STARD8: variants seen among roughly 807,000 people sequenced by gnomAD.
STARD8 encodes the protein StAR related lipid transfer domain containing 8.
A neutral mutation model predicts 69.4 loss-of-function variants in STARD8; 25 were observed. That is an observed-to-expected ratio of 0.36 (90% CI 0.26 to 0.50). The LOEUF (loss-of-function observed/expected upper bound fraction) is 0.50, where lower values mean the gene tolerates loss of function less well. Among genes scored for constraint, STARD8 ranks in the 20% least tolerant of loss-of-function variants. The pLI is 0.96. For missense variants in STARD8, 921 were observed against 932.5 expected (o/e 0.99, Z 0.16); for synonymous variants, 389 against 374.6 (o/e 1.04, Z -0.45).
rs1374006703 is a variant in STARD8, at chrX:68,682,364, G to A, written c.79+16832G>A. On this transcript the variant is annotated intron_variant, in intron 2 of 14. Transcript: ENST00000374599. ...TGCGCCAAATCCCTTCCTGAGCAAT[G>A]GATATGCCATTAATAATAAAATACA... Among the ~76,000 whole-genome samples the A allele has an allele frequency of 4.5e-5, 5 of 112,206 alleles. No individual in the cohort carries two copies. In the East Asian group the frequency reaches 1.1e-3, roughly 25 times the overall value.
chrX:68,716,145 C>T (rs751967106), intron 4 of STARD8, among the ~76,000 whole-genome samples: 12 of 112,254 alleles, frequency 1.1e-4, no homozygotes, highest in Admixed American at 3.8e-4. Flanking sequence ...TCTTTGAACA[C>T]GCCCCATTTC....
intron 2 of STARD8, among the ~76,000 whole-genome samples, chrX:68,671,668 C>T (rs1569356423): frequency 8.9e-6 from 1 of 112,517 alleles, no homozygotes; most frequent in Non-Finnish European, 1.9e-5. Context: ...ATGACAAAAC[C>T]TCTTGAGACA....
At chrX:68,701,746 T>C (rs753253504) in intron 2 of STARD8, among the ~76,000 whole-genome samples, 2 of 111,804 alleles carry the variant, frequency 1.8e-5, no homozygotes, top group African/African-American at 6.5e-5. Context: ...TAGCACCTTC[T>C]AGTACTGGGG....
chrX:68,695,380 G>A (rs2079912228), intron 2 of STARD8, among the ~76,000 whole-genome samples: 1 of 111,197 alleles, frequency 9.0e-6, no homozygotes, highest in African/African-American at 3.3e-5. Context: ...TAGGGACGTG[G>A]CCTTTTGTTA....
chrX:68,692,066 T>C (rs1436680126), intron 2 of STARD8, among the ~76,000 whole-genome samples: 1 of 111,993 alleles, frequency 8.9e-6, no homozygotes, highest in Admixed American at 9.5e-5. Context: ...TTTAGCACTG[T>C]GCACAGGCAA....
chrX:68,668,336 T>C (rs1176944863), intron 2 of STARD8, among the ~76,000 whole-genome samples: 1 of 99,542 alleles, frequency 1.0e-5, no homozygotes, highest in Admixed American at 1.1e-4. Context: ...TCCTTCCTTT[T>C]TTTTTCTATG....
At chrX:68,662,658 C>A (rs2079658924) in intron 1 of STARD8, among the ~76,000 whole-genome samples, 1 of 111,714 alleles carries the variant, frequency 9.0e-6, no homozygotes. Context: ...TCTCTCCCTT[C>A]TACCTGCCAG....
intron 1 of STARD8, among the ~76,000 whole-genome samples, chrX:68,657,600 G>C (rs2079618939): frequency 8.9e-6 from 1 of 112,129 alleles, no homozygotes; most frequent in East Asian, 2.8e-4. Flanking sequence ...TCTAGAACCT[G>C]TGATTGGCCA....
chrX:68,652,782 C>CA (rs2079557342), intron 1 of STARD8, among the ~76,000 whole-genome samples: 1 of 71,147 alleles, frequency 1.4e-5, no homozygotes, highest in Non-Finnish European at 2.8e-5. Context: ...ACCCCACACA[C>CA]CACACACACA....
chrX:68,722,167 T>C lies in STARD8; in HGVS notation c.2574+6T>C, dbSNP rs1316840048. 1.7e-6 allele frequency: 2 copies of C among 1,188,022 alleles called. No homozygotes were observed. The highest frequency in any genetic ancestry group is 6.0e-5 in the East Asian group (2 of 33,378). The stretch of plus-strand genomic sequence containing the variant: ...ACTGCAAGAAACTTTTCCAGGTGAG[T>C]AACCCCAGGCCATGACACCTACTTA... On this transcript the variant is annotated splice_donor_region_variant and intron_variant, in intron 11 of 14. Transcript: ENST00000374599.
chrX:68,665,090 A>C (rs962470943), intron 1 of STARD8, among the ~76,000 whole-genome samples: 7 of 112,202 alleles, frequency 6.2e-5, no homozygotes, highest in African/African-American at 2.3e-4. Flanking sequence ...TGCCACCAAC[A>C]CATCCTGTTT....
chrX:68,652,688 C>T (rs747143095), intron 1 of STARD8, among the ~76,000 whole-genome samples: 37 of 104,414 alleles, frequency 3.5e-4, no homozygotes, highest in East Asian at 1.8e-3. Flanking sequence ...ACACATGAAA[C>T]ACACACCACA....
At position 68,721,109 on chromosome X, in the gene STARD8, C is replaced by T. The variant is rs766341279; in HGVS notation, c.2235C>T (p.Leu745=). The T allele has an allele frequency of 8.3e-7, 1 of 1,210,021 alleles. No individual in the cohort carries two copies. Among genetic ancestry groups the T allele is most frequent in the African/African-American group, 1.7e-5 (1 of 57,168 alleles). ...CCAGCAAGCTCACCACCACTTTCCT[C>T]CAGATCTACCAGCGTGAGTCGCCCA... ...IFTSKLTTTF[L]QIYQLLPKDQ... Residue 745 remains leucine (L), a synonymous_variant, in exon 9 of 15, where the codon CTC becomes CTT. Transcript: ENST00000374599.
intron 2 of STARD8, among the ~76,000 whole-genome samples, chrX:68,668,089 C>CTTTCTT (rs1569355336): frequency 1.0e-5 from 1 of 95,397 alleles, no homozygotes. Context: ...TTCTTTCTTT[C>CTTTCTT]TTTCTTTCTT....
chrX:68,712,818 G>T (rs2080061337), intron 2 of STARD8, 96 bp from the exon 3 acceptor site: 1 of 784,667 alleles, frequency 1.3e-6, no homozygotes. Context: ...AGACATGTCT[G>T]CCTGCTGGGG....
At chrX:68,709,166 T>G (rs1419056006) in intron 2 of STARD8, among the ~76,000 whole-genome samples, 2 of 112,673 alleles carry the variant, frequency 1.8e-5, no homozygotes, top group African/African-American at 6.5e-5. Context: ...AATAACCCAT[T>G]ACATTCTCTA....
At chrX:68,707,082 A>T (rs1428922424) in intron 2 of STARD8, among the ~76,000 whole-genome samples, 2 of 112,580 alleles carry the variant, frequency 1.8e-5, no homozygotes, top group Non-Finnish European at 3.8e-5. Flanking sequence ...CGCTCAGGAC[A>T]CTGGCTTTTC....
intron 2 of STARD8, among the ~76,000 whole-genome samples, chrX:68,677,173 C>G (rs2079770635): frequency 9.0e-6 from 1 of 110,928 alleles, no homozygotes. Context: ...AAGTTTTGAA[C>G]AGAGCGTTGG....
chrX:68,681,461 G>A (rs1361776969), intron 2 of STARD8, among the ~76,000 whole-genome samples: 3 of 112,601 alleles, frequency 2.7e-5, no homozygotes, highest in African/African-American at 9.7e-5. Flanking sequence ...CAGGACTTGA[G>A]ACCAGAGTTG....
Sources: allele counts gnomAD v4.1 joint callset (sites outside exome capture counted in the v4.1 genomes callset), GRCh38; gene constraint gnomAD v4.1.1; transcripts MANE v1.5; gene names NCBI Gene and HGNC (gene_info 2026-07-23, HGNC 2026-07-21).